The following PGCKA1 variants were observed in gnomAD, a reference collection of about 807,000 sequenced individuals.
PGCKA1 encodes the protein PDCD10 and GCKIII kinases-associated protein 1.
the PGCKA1 span, among the ~76,000 whole-genome samples, chr4:37,458,201 G>A: frequency 6.6e-6 from 1 of 152,122 alleles, no homozygotes; most frequent in Non-Finnish European, 1.5e-5. Context: ...AAAAACTGCT[G>A]GGACTGGAAT....
At chr4:37,504,342 A>G in the PGCKA1 span, among the ~76,000 whole-genome samples, 103 of 152,272 alleles carry the variant, frequency 6.8e-4, no homozygotes, top group Middle Eastern at 6.8e-3. Context: ...CTATAGCTTA[A>G]TTTGAAGTTA....
chr4:37,468,184 G>A, the PGCKA1 span, among the ~76,000 whole-genome samples: 1 of 152,068 alleles, frequency 6.6e-6, no homozygotes, highest in African/African-American at 2.4e-5. Context: ...ACACTTTCTG[G>A]TCCTACAATT....
the PGCKA1 span, among the ~76,000 whole-genome samples, chr4:37,514,457 G>T: frequency 6.6e-6 from 1 of 152,112 alleles, no homozygotes; most frequent in Admixed American, 6.6e-5. Flanking sequence ...TAGTGGCAGA[G>T]TAGCATTCAC....
the PGCKA1 span, among the ~76,000 whole-genome samples, chr4:37,543,875 C>T: frequency 1.4e-4 from 21 of 152,062 alleles, no homozygotes; most frequent in African/African-American, 5.1e-4. Context: ...TTAGCTTCTC[C>T]AATCTGAACA....
chr4:37,491,815 T>C, the PGCKA1 span, among the ~76,000 whole-genome samples: 2 of 152,272 alleles, frequency 1.3e-5, no homozygotes, highest in Non-Finnish European at 2.9e-5. Flanking sequence ...AATTATTGGA[T>C]TATCTGCCTT....
the PGCKA1 span, among the ~76,000 whole-genome samples, chr4:37,534,116 A>G: frequency 7.2e-4 from 110 of 152,360 alleles, no homozygotes; most frequent in Non-Finnish European, 8.8e-5. Context: ...TAGGTAATCC[A>G]TACAGAAATA....
chr4:37,563,624 C>T, the PGCKA1 span, among the ~76,000 whole-genome samples: 1 of 152,176 alleles, frequency 6.6e-6, no homozygotes, highest in East Asian at 1.9e-4. Context: ...ATTCAGTCCA[C>T]AGCGGGTACT....
chr4:37,573,064 A>C, the PGCKA1 span, among the ~76,000 whole-genome samples: 2 of 152,126 alleles, frequency 1.3e-5, no homozygotes, highest in African/African-American at 4.8e-5. Flanking sequence ...TCCATCTTAT[A>C]TTTTGCTGCA....
chr4:37,541,741 C>T, the PGCKA1 span, among the ~76,000 whole-genome samples: 5 of 152,210 alleles, frequency 3.3e-5, no homozygotes, highest in Admixed American at 2.0e-4. Context: ...TCAGGAGTTT[C>T]TGGCTCTAGA....
chr4:37,491,506 C>T, the PGCKA1 span, among the ~76,000 whole-genome samples: 13 of 152,090 alleles, frequency 8.5e-5, no homozygotes, highest in East Asian at 9.6e-4. Flanking sequence ...ATTTTTTTAA[C>T]GTACTTAGCT....
chr4:37,566,281 TA>T, the PGCKA1 span, among the ~76,000 whole-genome samples: 1 of 151,898 alleles, frequency 6.6e-6, no homozygotes, highest in Admixed American at 6.5e-5. Context: ...TTTTTTATTT[TA>T]TTTTTTTTTG....
At chr4:37,540,941 A>AC in the PGCKA1 span, among the ~76,000 whole-genome samples, 1 of 146,806 alleles carries the variant, frequency 6.8e-6, no homozygotes, top group Admixed American at 6.6e-5. Context: ...TTGGAAAAAA[A>AC]CCCCTTTTTT....
the PGCKA1 span, among the ~76,000 whole-genome samples, chr4:37,554,254 A>G: frequency 1.3e-5 from 2 of 151,792 alleles, no homozygotes; most frequent in African/African-American, 2.4e-5. Flanking sequence ...AGTCCATTAA[A>G]CCTCTTTTTC....
At chr4:37,486,679 A>G in the PGCKA1 span, among the ~76,000 whole-genome samples, 3 of 152,338 alleles carry the variant, frequency 2.0e-5, no homozygotes, top group Middle Eastern at 3.4e-3. Flanking sequence ...CTTTCCATAT[A>G]TAAATCAGAT....
chr4:37,550,870 C>T, the PGCKA1 span, among the ~76,000 whole-genome samples: 44 of 152,206 alleles, frequency 2.9e-4, no homozygotes, highest in African/African-American at 8.4e-4. Flanking sequence ...GATGAATTAC[C>T]GGCCCAAAAG....
the PGCKA1 span, among the ~76,000 whole-genome samples, chr4:37,585,779 T>C: frequency 6.6e-6 from 1 of 152,008 alleles, no homozygotes; most frequent in African/African-American, 2.4e-5. Context: ...AATGGGGTAG[T>C]TTAAGAGTAT....
At chr4:37,503,269 A>T in the PGCKA1 span, among the ~76,000 whole-genome samples, 1 of 152,170 alleles carries the variant, frequency 6.6e-6, no homozygotes, top group Non-Finnish European at 1.5e-5. Context: ...AGTCACAGTG[A>T]GGAGTTACCC....
At chr4:37,576,874 C>T in the PGCKA1 span, among the ~76,000 whole-genome samples, 1 of 152,020 alleles carries the variant, frequency 6.6e-6, no homozygotes, top group Non-Finnish European at 1.5e-5. Context: ...TATGATATAT[C>T]ACATTGATTT....
chr4:37,454,263 C>T, the PGCKA1 span, among the ~76,000 whole-genome samples: 7 of 152,094 alleles, frequency 4.6e-5, no homozygotes, highest in African/African-American at 1.7e-4. Context: ...AGGGGCAAAA[C>T]TCGGGTGGGG....
Sources: allele counts gnomAD v4.1 joint callset (sites outside exome capture counted in the v4.1 genomes callset), GRCh38; gene constraint gnomAD v4.1.1; transcripts MANE v1.5; gene names NCBI Gene and HGNC (gene_info 2026-07-23, HGNC 2026-07-21).